SETBP1: variants seen among roughly 807,000 people sequenced by gnomAD.
SETBP1 encodes SET binding protein 1, also known as SET-binding protein.
SETBP1 carries 9 observed loss-of-function variants against 101.0 expected under a neutral mutation model. The ratio of observed to expected loss-of-function variants is 0.09; its 90% CI spans 0.05 to 0.16. The LOEUF is 0.16. Ranked by LOEUF, SETBP1 falls within the 10% of genes least tolerant of loss-of-function variation. The pLI is 1.00. For missense variants in SETBP1, 1,858 were observed against 2,033.8 expected (o/e 0.91, Z 1.66); for synonymous variants, 818 against 788.5 (o/e 1.04, Z -0.63).
chr18:44,804,748 A>G (rs573382481), intron 2 of SETBP1, among the ~76,000 whole-genome samples: 2 of 152,226 alleles, frequency 1.3e-5, no homozygotes, highest in South Asian at 2.1e-4. Context: ...GGATTTGGGG[A>G]CCATTAAATC....
chr18:44,789,032 G>A (rs1359808539), intron 2 of SETBP1, among the ~76,000 whole-genome samples: 1 of 151,710 alleles, frequency 6.6e-6, no homozygotes, highest in African/African-American at 2.4e-5. Context: ...TGAATCCCTG[G>A]GCTCAAGTAA....
chr18:44,681,743 T>G (rs941147605), intron 1 of SETBP1, among the ~76,000 whole-genome samples: 13 of 152,158 alleles, frequency 8.5e-5, no homozygotes, highest in African/African-American at 2.9e-4. Flanking sequence ...TGTTGGATTC[T>G]CAGGGTGTGT....
intron 4 of SETBP1, among the ~76,000 whole-genome samples, chr18:45,028,565 A>G (rs1296838097): frequency 1.3e-5 from 2 of 152,186 alleles, no homozygotes; most frequent in African/African-American, 4.8e-5. Context: ...TTCTAGTTCT[A>G]GATCCCCGAG....
intron 3 of SETBP1, 180 bp downstream of exon 3, chr18:44,869,463 C>T (rs2069219169): frequency 1.5e-6 from 1 of 675,172 alleles, no homozygotes; most frequent in Non-Finnish European, 2.7e-6. Context: ...CTCATTCTAG[C>T]ATGGACAAAA....
At chr18:44,698,012 G>A (rs1488456946) in intron 1 of SETBP1, among the ~76,000 whole-genome samples, 2 of 152,196 alleles carry the variant, frequency 1.3e-5, no homozygotes, top group African/African-American at 2.4e-5. Context: ...CATTGCTGTG[G>A]AGACTGGTTT....
At chr18:44,741,789 C>T (rs908671267) in intron 2 of SETBP1, among the ~76,000 whole-genome samples, 1 of 152,176 alleles carries the variant, frequency 6.6e-6, no homozygotes, top group South Asian at 2.1e-4. Flanking sequence ...CGGTGCCTGC[C>T]AACTCCTCAC....
intron 2 of SETBP1, among the ~76,000 whole-genome samples, chr18:44,811,955 G>T (rs529257584): frequency 6.6e-6 from 1 of 152,326 alleles, no homozygotes; most frequent in East Asian, 1.9e-4. Context: ...ATTCACCAGA[G>T]AATAACAGCT....
Position 44,953,359 on chromosome 18 carries a change from A to G in SETBP1, c.4000+19A>G. The G allele has an allele frequency of 1.2e-6, 2 of 1,601,474 alleles. No individual in the cohort carries two copies. The highest frequency in any genetic ancestry group is 8.5e-7 in the Non-Finnish European group (1 of 1,169,860). On this transcript the variant is annotated intron_variant, in intron 4 of 5. Transcript: ENST00000649279. The stretch of plus-strand genomic sequence containing the variant: ...TCTCCAGGTAAGGCTGTTTTTCTTC[A>G]GAAATGGATTATCAAGTTATTTCAT...
chr18:44,929,588 GTTTGTA>G (rs2070780697), intron 3 of SETBP1, among the ~76,000 whole-genome samples: 1 of 152,126 alleles, frequency 6.6e-6, no homozygotes, highest in Non-Finnish European at 1.5e-5. Flanking sequence ...TCTTCCATCT[GTTTGTA>G]TCCTCTTTTA....
Position 45,064,488 on chromosome 18 carries a change from A to T in SETBP1, c.*790A>T, listed in dbSNP as rs1329567681. 1.3e-5 allele frequency: 2 copies of T among 151,874 alleles called. No individual in the cohort carries two copies. The highest frequency in any genetic ancestry group is 2.9e-5 in the Non-Finnish European group (2 of 67,978). The allele number at this position is 151,874 out of a possible 1,614,324, so 9.4% of individuals were successfully genotyped here. A position where few individuals can be genotyped will look rare whatever the true frequency, so the allele number is the denominator to read the frequency against. On this transcript the variant is annotated 3_prime_UTR_variant, in exon 6 of 6. Coordinates refer to ENST00000649279, the MANE Select transcript of SETBP1 (RefSeq NM_015559.3). ...AAGTAATCCTTAACCTGTGCTGTAAAGTTCACCCTTGGCATGCTGTTCCAA... is the reference window on the plus strand; with the variant it reads ...AAGTAATCCTTAACCTGTGCTGTAATGTTCACCCTTGGCATGCTGTTCCAA...
At chr18:44,892,692 A>G (rs1425704432) in intron 3 of SETBP1, among the ~76,000 whole-genome samples, 1 of 152,104 alleles carries the variant, frequency 6.6e-6, no homozygotes, top group Non-Finnish European at 1.5e-5. Context: ...TATTTTATTG[A>G]AACTTCTATC....
intron 2 of SETBP1, among the ~76,000 whole-genome samples, chr18:44,807,980 G>A (rs62090596): frequency 0.059 from 8,972 of 152,180 alleles, 360 homozygotes; most frequent in East Asian, 0.14. Flanking sequence ...CAGAACCTAC[G>A]AATAGGCAGT....
At chr18:45,045,318 A>G (rs1432952237) in intron 5 of SETBP1, among the ~76,000 whole-genome samples, 1 of 152,150 alleles carries the variant, frequency 6.6e-6, no homozygotes. Context: ...GCTACTCTGG[A>G]GGCTGAGGCA....
chr18:44,814,872 G>A lies in SETBP1; in HGVS notation c.487-54358G>A, dbSNP rs551959577. Among the ~76,000 whole-genome samples, 77 of 152,348 alleles carry A rather than the reference G, an allele frequency of 5.1e-4. No individual in the cohort carries two copies. In the Middle Eastern group the frequency reaches 0.017, roughly 34 times the overall value. ...TAGGTGAAATATCGTAAGGACAGGTGTGTAGAGGTGGCTATTAAGATAAAG... is the reference window on the plus strand; with the variant it reads ...TAGGTGAAATATCGTAAGGACAGGTATGTAGAGGTGGCTATTAAGATAAAG... On this transcript the variant is annotated intron_variant, in intron 2 of 5. Coordinates refer to ENST00000649279, the MANE Select transcript of SETBP1 (RefSeq NM_015559.3).
chr18:44,855,297 GT>G (rs1360489032), intron 2 of SETBP1, among the ~76,000 whole-genome samples: 4 of 151,698 alleles, frequency 2.6e-5, no homozygotes, highest in Admixed American at 1.3e-4. Flanking sequence ...TTATTTGTTT[GT>G]TTTTTGTTTT....
intron 4 of SETBP1, among the ~76,000 whole-genome samples, chr18:45,027,619 G>C (rs771483871): frequency 4.6e-5 from 7 of 152,180 alleles, no homozygotes; most frequent in South Asian, 2.1e-4. Flanking sequence ...TAAGAAATAA[G>C]TTTAAAATGA....
chr18:44,824,521 A>G (rs1488235095), intron 2 of SETBP1, among the ~76,000 whole-genome samples: 2 of 152,202 alleles, frequency 1.3e-5, no homozygotes, highest in African/African-American at 4.8e-5. Flanking sequence ...TCTTGCATAA[A>G]GTAAATGCTC....
chr18:44,722,276 A>G (rs1017321664), intron 2 of SETBP1, among the ~76,000 whole-genome samples: 2 of 152,052 alleles, frequency 1.3e-5, no homozygotes, highest in African/African-American at 4.8e-5. Context: ...TTATTTTGGG[A>G]TATTCCTAGT....
At position 44,924,381 on chromosome 18, in the gene SETBP1, TGTA is replaced by T. The variant is rs561156238; in HGVS notation, c.541-25499_541-25497del. Among the ~76,000 whole-genome samples the T allele has an allele frequency of 5.0e-3, 760 of 152,326 alleles. 5 individuals carry two copies. Among genetic ancestry groups the T allele is most frequent in the Middle Eastern group, 0.017 (5 of 294 alleles). ...AAATGGCTAGAGAGGGAAAATGACC[TGTA>T]CTGTATTTAGAGCTTTGAAGAGTGA... On this transcript the variant is annotated intron_variant, in intron 3 of 5. Coordinates refer to ENST00000649279, the MANE Select transcript of SETBP1 (RefSeq NM_015559.3).
Sources: gnomAD v4.1 joint callset for allele counts (sites outside exome capture counted in the v4.1 genomes callset) on GRCh38, gnomAD v4.1.1 for gene constraint, MANE v1.5 for transcripts, NCBI Gene and HGNC (gene_info 2026-07-23, HGNC 2026-07-21) for gene names.